LRRC28: variants seen among roughly 807,000 people sequenced by gnomAD.
LRRC28 encodes leucine-rich repeat-containing protein 28.
A neutral mutation model predicts 45.7 loss-of-function variants in LRRC28; 39 were observed. That is an observed-to-expected ratio of 0.85 (90% CI 0.66 to 1.12). LRRC28 has a LOEUF of 1.12. Among genes scored for constraint, LRRC28 ranks in the 50% most tolerant of loss-of-function variants. The pLI is 0.00. For synonymous variants in LRRC28, 206 were observed against 178.8 expected (o/e 1.15, Z -1.22); for missense variants, 435 against 438.5 (o/e 0.99, Z 0.07).
chr15:99,252,079 TAAG>T (rs1173650937), intron 1 of LRRC28: 1 of 152,196 alleles, frequency 6.6e-6, no homozygotes, highest in Non-Finnish European at 1.5e-5. Flanking sequence ...TTTTTAATAA[TAAG>T]ATAGATTGGT....
intron 5 of LRRC28, among the ~76,000 whole-genome samples, chr15:99,315,207 A>T (rs1955551231): frequency 6.6e-6 from 1 of 152,182 alleles, no homozygotes; most frequent in Non-Finnish European, 1.5e-5. Context: ...TTAAAATATT[A>T]TACATAATTT....
intron 2 of LRRC28, among the ~76,000 whole-genome samples, chr15:99,268,956 T>TC (rs1291589663): frequency 6.6e-6 from 1 of 152,240 alleles, no homozygotes; most frequent in African/African-American, 2.4e-5. Context: ...GATAAACACT[T>TC]CAAGAGGCAT....
intron 5 of LRRC28, among the ~76,000 whole-genome samples, chr15:99,306,128 T>C (rs961535573): frequency 2.0e-5 from 3 of 152,274 alleles, no homozygotes; most frequent in Non-Finnish European, 4.4e-5. Context: ...AAATATCTTA[T>C]AATGATATAG....
Position 99,321,810 on chromosome 15 carries a change from A to T in LRRC28, c.386-12113A>T, listed in dbSNP as rs537503878. The stretch of plus-strand genomic sequence containing the variant: ...TAGGAATATGGGGAATATAGCAGCA[A>T]ATAAAATCAAAGCCCCTGTTCTTAT... On this transcript the variant is annotated intron_variant, in intron 5 of 9. Transcript: ENST00000301981. Among the ~76,000 whole-genome samples, 10 of 152,334 alleles carry T rather than the reference A, an allele frequency of 6.6e-5. 1 individual carries two copies. In the South Asian group the frequency reaches 2.1e-3, roughly 32 times the overall value.
At chr15:99,306,370 C>G (rs944734493) in intron 5 of LRRC28, among the ~76,000 whole-genome samples, 7 of 152,196 alleles carry the variant, frequency 4.6e-5, no homozygotes, top group African/African-American at 1.7e-4. Flanking sequence ...TTGCAAATCC[C>G]TAACTATTTA....
chr15:99,320,096 C>T (rs1474918269), intron 5 of LRRC28, among the ~76,000 whole-genome samples: 4 of 152,072 alleles, frequency 2.6e-5, no homozygotes, highest in East Asian at 1.9e-4. Context: ...CGTGAGCCAC[C>T]GTGCCCAGCC....
At chr15:99,304,556 G>T (rs1313490924) in intron 5 of LRRC28, among the ~76,000 whole-genome samples, 1 of 151,848 alleles carries the variant, frequency 6.6e-6, no homozygotes, top group Non-Finnish European at 1.5e-5. Context: ...TCAGTCTCCT[G>T]AGTAGCTGGG....
chr15:99,373,485 T>C (rs1393037448), intron 9 of LRRC28, among the ~76,000 whole-genome samples: 1 of 152,220 alleles, frequency 6.6e-6, no homozygotes, highest in East Asian at 1.9e-4. Flanking sequence ...AATCACATCA[T>C]GAAAATCACA....
At chr15:99,315,442 C>T (rs960228250) in intron 5 of LRRC28, among the ~76,000 whole-genome samples, 1 of 152,100 alleles carries the variant, frequency 6.6e-6, no homozygotes, top group Non-Finnish European at 1.5e-5. Flanking sequence ...AAAGTCACTA[C>T]TACTATCCTA....
chr15:99,259,613 T>A (rs1597152083), intron 2 of LRRC28: 1 of 1,500,254 alleles, frequency 6.7e-7, no homozygotes, highest in East Asian at 2.3e-5. Flanking sequence ...AGCACAAGCG[T>A]ACCAAACGGG....
At position 99,365,972 on chromosome 15, in the gene LRRC28, A is replaced by G. The variant is rs144763195; in HGVS notation, c.1031+2707A>G. ...ATTTATTAAAATGGAGAACTTCAAC[A>G]TAGAAGATTATTTCTTAATAAAATA... On this transcript the variant is annotated intron_variant, in intron 9 of 9. Coordinates refer to ENST00000301981, the MANE Select transcript of LRRC28 (RefSeq NM_144598.5). Among the ~76,000 whole-genome samples, 354 of 152,388 alleles carry G rather than the reference A, an allele frequency of 2.3e-3. 1 individual carries two copies. Among genetic ancestry groups the G allele is most frequent in the African/African-American group, 7.3e-3 (302 of 41,590 alleles).
intron 1 of LRRC28, among the ~76,000 whole-genome samples, chr15:99,254,338 CATT>C (rs958585863): frequency 3.3e-5 from 5 of 152,002 alleles, no homozygotes; most frequent in African/African-American, 1.2e-4. Context: ...AGTGCTAGCT[CATT>C]AGCCAGGAAT....
chr15:99,345,032 C>A (rs997520714), intron 6 of LRRC28, among the ~76,000 whole-genome samples: 1 of 152,126 alleles, frequency 6.6e-6, no homozygotes, highest in African/African-American at 2.4e-5. Context: ...ACAGTAACTG[C>A]CATATATTGG....
intron 5 of LRRC28, among the ~76,000 whole-genome samples, chr15:99,313,828 G>T (rs958900274): frequency 2.6e-5 from 4 of 151,962 alleles, no homozygotes; most frequent in Non-Finnish European, 5.9e-5. Flanking sequence ...CCAAATTGAG[G>T]GTGCTCTCTC....
chr15:99,313,429 C>G (rs551789505), intron 5 of LRRC28, among the ~76,000 whole-genome samples: 1 of 152,114 alleles, frequency 6.6e-6, no homozygotes, highest in East Asian at 1.9e-4. Flanking sequence ...CCAACTTGAA[C>G]TAAGGTAACT....
chr15:99,287,331 A>T, intron 4 of LRRC28, 37 bp downstream of exon 4: 1 of 1,436,910 alleles, frequency 7.0e-7, no homozygotes. Context: ...AGAAGATAAT[A>T]TAATTTAAGC....
At chr15:99,287,760 T>C in intron 4 of LRRC28, 54 bp from the exon 5 acceptor site, 1 of 1,526,922 alleles carries the variant, frequency 6.5e-7, no homozygotes, top group Non-Finnish European at 8.8e-7. Context: ...GCTTTAAAGA[T>C]TTGATGTAAT....
chr15:99,291,623 A>G (rs1184278214), intron 5 of LRRC28, among the ~76,000 whole-genome samples: 2 of 152,234 alleles, frequency 1.3e-5, no homozygotes, highest in East Asian at 1.9e-4. Context: ...TCCATAGTCC[A>G]TGCTGAGACT....
intron 5 of LRRC28, among the ~76,000 whole-genome samples, chr15:99,312,798 T>C (rs1955460081): frequency 6.6e-6 from 1 of 152,204 alleles, no homozygotes; most frequent in African/African-American, 2.4e-5. Context: ...CTGTCTTCTC[T>C]GCGGTCTATT....
Sources: gnomAD v4.1 joint callset for allele counts (sites outside exome capture counted in the v4.1 genomes callset) on GRCh38, gnomAD v4.1.1 for gene constraint, MANE v1.5 for transcripts, NCBI Gene and HGNC (gene_info 2026-07-23, HGNC 2026-07-21) for gene names.